The following RPTOR variants were observed in gnomAD, a reference collection of about 807,000 sequenced individuals.
RPTOR encodes regulatory associated protein of MTOR complex 1, also known as regulatory-associated protein of mTOR.
A neutral mutation model predicts 169.9 loss-of-function variants in RPTOR; 21 were observed. The ratio of observed to expected loss-of-function variants is 0.12; its 90% CI spans 0.09 to 0.18. The LOEUF (loss-of-function observed/expected upper bound fraction) is 0.18, where lower values mean the gene tolerates loss of function less well. Among genes scored for constraint, RPTOR ranks in the 10% least tolerant of loss-of-function variants. RPTOR has a pLI of 1.00. For missense variants in RPTOR, 1,133 were observed against 1,855.9 expected, an observed-to-expected ratio of 0.61 and a Z score of 7.16; for synonymous variants, 732 against 753.2, an observed-to-expected ratio of 0.97 and a Z score of 0.46.
At position 80,950,341 on chromosome 17, in the gene RPTOR, G is replaced by A. The variant is rs59105304; in HGVS notation, c.3370+794G>A. Among the ~76,000 whole-genome samples the A allele has an allele frequency of 2.5e-3, 388 of 152,238 alleles. 4 individuals carry two copies. Among genetic ancestry groups the A allele is most frequent in the African/African-American group, 8.8e-3 (366 of 41,554 alleles). The stretch of plus-strand genomic sequence containing the variant: ...GCCTGTGGATGTGGCCTTACACCTC[G>A]TGGTCAGCCTTCCGTGTGGGGCCTG... On this transcript the variant is annotated intron_variant, in intron 28 of 33. Transcript: ENST00000306801.
intron 3 of RPTOR, among the ~76,000 whole-genome samples, chr17:80,703,118 C>T (rs561154663): frequency 1.2e-4 from 18 of 152,268 alleles, no homozygotes; most frequent in Admixed American, 7.2e-4. Context: ...CTTATCTTTC[C>T]GTGCCTTTGT....
chr17:80,798,344 G>A (rs771675541), intron 7 of RPTOR, among the ~76,000 whole-genome samples: 47 of 152,204 alleles, frequency 3.1e-4, no homozygotes, highest in Non-Finnish European at 6.6e-4. Flanking sequence ...ATGCGTCACA[G>A]CATGTGGCCA....
At chr17:80,942,307 G>A (rs529934334) in intron 25 of RPTOR, among the ~76,000 whole-genome samples, 8 of 151,316 alleles carry the variant, frequency 5.3e-5, no homozygotes, top group Non-Finnish European at 8.8e-5. Context: ...AGATGAGCTG[G>A]CCCCTGATGG....
At chr17:80,601,314 G>T (rs2065184877) in intron 1 of RPTOR, among the ~76,000 whole-genome samples, 3 of 152,254 alleles carry the variant, frequency 2.0e-5, no homozygotes, top group Non-Finnish European at 4.4e-5. Flanking sequence ...CTGAATTCCT[G>T]CCCCTGCAGG....
chr17:80,807,583 C>T (rs889684096), intron 7 of RPTOR, among the ~76,000 whole-genome samples: 6 of 152,158 alleles, frequency 3.9e-5, no homozygotes, highest in Non-Finnish European at 5.9e-5. Flanking sequence ...AACTCCTGAC[C>T]TCAGGTGATC....
intron 1 of RPTOR, among the ~76,000 whole-genome samples, chr17:80,574,330 A>G (rs1357223876): frequency 2.7e-5 from 4 of 146,176 alleles, no homozygotes; most frequent in African/African-American, 1.0e-4. Flanking sequence ...GCGCCCGGCT[A>G]ATTTTTTGTA....
At chr17:80,841,253 T>A (rs2143692019) in intron 10 of RPTOR, among the ~76,000 whole-genome samples, 1 of 89,072 alleles carries the variant, frequency 1.1e-5, no homozygotes, top group African/African-American at 4.8e-5. Flanking sequence ...CAGCTCACTC[T>A]CACCGCACCG....
chr17:80,678,172 T>C (rs1003291625), intron 3 of RPTOR, among the ~76,000 whole-genome samples: 2 of 152,158 alleles, frequency 1.3e-5, no homozygotes, highest in African/African-American at 4.8e-5. Context: ...CCACCTTGGG[T>C]TGTAGGTAGT....
chr17:80,853,127 G>A (rs1259696213), intron 11 of RPTOR, among the ~76,000 whole-genome samples: 1 of 152,064 alleles, frequency 6.6e-6, no homozygotes, highest in East Asian at 1.9e-4. Flanking sequence ...CGAGCACACT[G>A]GACCAGTCAC....
intron 27 of RPTOR, among the ~76,000 whole-genome samples, chr17:80,948,262 G>A (rs1407088180): frequency 6.6e-6 from 1 of 152,250 alleles, no homozygotes; most frequent in Non-Finnish European, 1.5e-5. Flanking sequence ...TCTCAACGCG[G>A]TTGCGGGCTC....
intron 3 of RPTOR, among the ~76,000 whole-genome samples, chr17:80,689,109 C>T (rs756075): frequency 0.41 from 61,902 of 152,144 alleles, 13,149 homozygotes; most frequent in East Asian, 0.56. Flanking sequence ...ATTTATCAAA[C>T]GGTTTCATAT....
At chr17:80,616,952 T>C (rs1268809516) in intron 1 of RPTOR, among the ~76,000 whole-genome samples, 1 of 152,198 alleles carries the variant, frequency 6.6e-6, no homozygotes, top group Non-Finnish European at 1.5e-5. Flanking sequence ...TCGCCCAAGC[T>C]TCAGCTGACT....
rs569621555 is a variant in RPTOR, at chr17:80,754,105, G to A, written c.750G>A (p.Glu250=). 9 of 1,613,992 alleles carry A rather than the reference G, an allele frequency of 5.6e-6. 1 individual carries two copies. Among genetic ancestry groups the A allele is most frequent in the Middle Eastern group, 1.6e-4 (1 of 6,062 alleles). Residue 250 remains glutamate, a synonymous_variant, in exon 6 of 34, where the codon GAG becomes GAA. Transcript: ENST00000306801. The surrounding 1 kb of genome is among the most constrained non-coding windows in gnomAD (Gnocchi z 4.2). ...AGCTGGCAGCCTGCGAGGCCACCGA[G>A]CTGCTGCCCATGATCCCCGACCTCC... The part of the protein sequence containing the change: ...CIQLAACEAT[E]LLPMIPDLPA...
chr17:80,689,304 C>A (rs1272790934), intron 3 of RPTOR, among the ~76,000 whole-genome samples: 1 of 152,206 alleles, frequency 6.6e-6, no homozygotes, highest in African/African-American at 2.4e-5. Context: ...CATGATAAAT[C>A]ATTTATGTAC....
At chr17:80,851,716 A>G (rs1025312996) in intron 11 of RPTOR, among the ~76,000 whole-genome samples, 1 of 152,184 alleles carries the variant, frequency 6.6e-6, no homozygotes, top group Non-Finnish European at 1.5e-5. Flanking sequence ...GTGATTGTGA[A>G]CCAGCGTCCC....
intron 1 of RPTOR, among the ~76,000 whole-genome samples, chr17:80,566,823 C>CAAAAAAAAAAAA (rs56295360): frequency 1.3e-4 from 11 of 83,982 alleles, no homozygotes; most frequent in African/African-American, 5.0e-4. Flanking sequence ...GACTCCGTCT[C>CAAAAAAAAAAAA]AAAAAAAAAA....
intron 20 of RPTOR, among the ~76,000 whole-genome samples, chr17:80,900,644 C>G (rs1272622145): frequency 6.6e-6 from 1 of 152,240 alleles, no homozygotes; most frequent in East Asian, 1.9e-4. Flanking sequence ...GAAGCGACAG[C>G]AGCATCACCC....
At chr17:80,843,073 A>C (rs2067688591) in intron 10 of RPTOR, among the ~76,000 whole-genome samples, 1 of 152,166 alleles carries the variant, frequency 6.6e-6, no homozygotes, top group South Asian at 2.1e-4. Context: ...TGCCTCAGTT[A>C]CTTTTGGTCC....
intron 1 of RPTOR, among the ~76,000 whole-genome samples, chr17:80,617,368 C>T (rs186166295): frequency 8.5e-5 from 13 of 152,326 alleles, no homozygotes; most frequent in African/African-American, 3.1e-4. Flanking sequence ...TCACATACCC[C>T]AGAGTTCACC....
Sources: allele counts gnomAD v4.1 joint callset (sites outside exome capture counted in the v4.1 genomes callset), GRCh38; gene constraint gnomAD v4.1.1; non-coding constraint Gnocchi (gnomAD v3.1); transcripts MANE v1.5; gene names NCBI Gene and HGNC (gene_info 2026-07-23, HGNC 2026-07-21).